The following ALDH18A1 variants were observed in gnomAD, a reference collection of about 807,000 sequenced individuals.
ALDH18A1 encodes the protein aldehyde dehydrogenase 18 family member A1, also known as delta-1-pyrroline-5-carboxylate synthase.
ALDH18A1 carries 44 observed loss-of-function variants against 88.8 expected under a neutral mutation model. That is an observed-to-expected ratio of 0.50 (90% confidence interval 0.39 to 0.64). The LOEUF (loss-of-function observed/expected upper bound fraction) is 0.64. ALDH18A1 is among the 30% of genes least tolerant of loss of function. The probability of loss-of-function intolerance (pLI) is 0.00; values close to 1 mark genes in which losing one functional copy is unlikely to be tolerated. For missense variants in ALDH18A1, 782 were observed against 1,009.5 expected, an observed-to-expected ratio of 0.77 and a Z score of 3.05; for synonymous variants, 331 against 372.1, an observed-to-expected ratio of 0.89 and a Z score of 1.27.
chr10:95,632,807 T>A (rs117197936), intron 7 of ALDH18A1, 152 bp downstream of exon 7: 7 of 707,504 alleles, frequency 9.9e-6, no homozygotes, highest in Non-Finnish European at 1.8e-5. Flanking sequence ...CCACCCTGTT[T>A]TGAGTCATAA....
chr10:95,626,056 T>C (rs1304974107), intron 10 of ALDH18A1, among the ~76,000 whole-genome samples: 2 of 152,152 alleles, frequency 1.3e-5, no homozygotes, highest in East Asian at 1.9e-4. Flanking sequence ...ATGCTGATTA[T>C]TGGAGGAGCA....
intron 13 of ALDH18A1, 100 bp downstream of exon 13, chr10:95,616,377 A>G (rs2097844194): frequency 1.4e-6 from 2 of 1,465,442 alleles, no homozygotes; most frequent in Non-Finnish European, 9.3e-7. Flanking sequence ...GTCTGCTTGT[A>G]GTAGTGTCTT....
At chr10:95,607,100 A>T (rs2097824173) in intron 17 of ALDH18A1, among the ~76,000 whole-genome samples, 157 bp from the exon 18 acceptor site, 1 of 152,144 alleles carries the variant, frequency 6.6e-6, no homozygotes, top group African/African-American at 2.4e-5. Flanking sequence ...CCCTGTTCCC[A>T]TAAACATGTT....
At chr10:95,617,841 T>C (rs2097846478) in intron 12 of ALDH18A1, among the ~76,000 whole-genome samples, 1 of 152,092 alleles carries the variant, frequency 6.6e-6, no homozygotes, top group Admixed American at 6.6e-5. Flanking sequence ...CAGAGAGACT[T>C]AGGCCCATTT....
At chr10:95,627,806 G>T (rs188700106) in intron 8 of ALDH18A1, among the ~76,000 whole-genome samples, 4 of 152,334 alleles carry the variant, frequency 2.6e-5, no homozygotes, top group Non-Finnish European at 4.4e-5. Flanking sequence ...CCTATCCTTT[G>T]TTTCCAGTCT....
intron 1 of ALDH18A1, among the ~76,000 whole-genome samples, chr10:95,654,807 T>C (rs1467253052): frequency 6.6e-6 from 1 of 151,816 alleles, no homozygotes; most frequent in Non-Finnish European, 1.5e-5. Context: ...CTTATATAAA[T>C]TCCTTCAATA....
At chr10:95,634,219 T>G (rs1156829884) in intron 5 of ALDH18A1, among the ~76,000 whole-genome samples, 1 of 152,182 alleles carries the variant, frequency 6.6e-6, no homozygotes, top group East Asian at 1.9e-4. Context: ...ATTAAGAAAA[T>G]TAATGTATCT....
At chr10:95,637,513 G>A (rs904102819) in intron 3 of ALDH18A1, 77 bp from the exon 4 acceptor site, 3 of 1,572,136 alleles carry the variant, frequency 1.9e-6, no homozygotes, top group Non-Finnish European at 2.6e-6. Flanking sequence ...ATGGAGGTAG[G>A]GTGGGCTATC....
At chr10:95,625,489 A>C (rs767028746) in intron 10 of ALDH18A1, 34 bp from the exon 11 acceptor site, 3 of 1,571,024 alleles carry the variant, frequency 1.9e-6, no homozygotes, top group Non-Finnish European at 2.6e-6. Flanking sequence ...AAAAACAGAG[A>C]TGTTAATCCA....
intron 2 of ALDH18A1, among the ~76,000 whole-genome samples, chr10:95,651,008 C>A (rs1390482085): frequency 6.6e-6 from 1 of 152,016 alleles, no homozygotes; most frequent in African/African-American, 2.4e-5. Context: ...GTGGTGGGCA[C>A]CTGTAATCCC....
intron 12 of ALDH18A1, among the ~76,000 whole-genome samples, chr10:95,618,378 T>G (rs2097847264): frequency 6.6e-6 from 1 of 152,214 alleles, no homozygotes; most frequent in Admixed American, 6.5e-5. Flanking sequence ...TGGAATGCAG[T>G]GGCACGATCT....
intron 17 of ALDH18A1, among the ~76,000 whole-genome samples, chr10:95,608,893 G>A (rs1056382994): frequency 3.3e-5 from 5 of 152,102 alleles, no homozygotes; most frequent in Non-Finnish European, 5.9e-5. Flanking sequence ...TTTGTTTTTT[G>A]AGATGGAGTT....
rs769158739 is a variant in ALDH18A1 at position 95,613,750 on chromosome 10, C to T, written c.1915G>A (p.Val639Met). ...TCCTATGGAACTCTTACCTGTTCCA[C>T]TCTCAGCATATCAATGATCTGGTCA... ...LFDQIIDMLRVEQVKIHAGPK... is the reference protein window; with the variant it reads ...LFDQIIDMLRMEQVKIHAGPK... Residue 639 changes from valine to methionine, a missense_variant, in exon 15 of 18, where the codon GTG becomes ATG. Physicochemically the swap from Val to Met is conservative, Grantham distance 21 (BLOSUM62 1). Coordinates refer to ENST00000371224, the MANE Select transcript of ALDH18A1 (RefSeq NM_002860.4). 8.1e-6 allele frequency: 13 copies of T among 1,614,156 alleles called. No homozygotes were observed. The East Asian group carries it at 2.7e-4, about 33-fold the overall frequency.
At chr10:95,650,936 C>A (rs1466911840) in intron 2 of ALDH18A1, among the ~76,000 whole-genome samples, 1 of 152,094 alleles carries the variant, frequency 6.6e-6, no homozygotes, top group Non-Finnish European at 1.5e-5. Context: ...GAGTTTGACA[C>A]CAGCCTGGCC....
chr10:95,646,145 T>C (rs1436421497), intron 2 of ALDH18A1, among the ~76,000 whole-genome samples: 3 of 152,114 alleles, frequency 2.0e-5, no homozygotes, highest in Non-Finnish European at 4.4e-5. Flanking sequence ...AGATCTAGGC[T>C]TTCTGGCTTT....
intron 2 of ALDH18A1, among the ~76,000 whole-genome samples, chr10:95,646,300 C>T (rs1346041241): frequency 1.3e-5 from 2 of 152,166 alleles, no homozygotes; most frequent in Non-Finnish European, 2.9e-5. Flanking sequence ...CAGAATCCAG[C>T]AGCCAGGCTA....
At chr10:95,609,981 G>T (rs577749059) in intron 17 of ALDH18A1, among the ~76,000 whole-genome samples, 1 of 151,878 alleles carries the variant, frequency 6.6e-6, no homozygotes, top group African/African-American at 2.4e-5. Context: ...TGTTGGCCAC[G>T]CTGGTCTCGA....
chr10:95,628,756 A>G, intron 7 of ALDH18A1: 1 of 453,182 alleles, frequency 2.2e-6, no homozygotes, highest in Non-Finnish European at 4.1e-6. Flanking sequence ...CCTCAGCACA[A>G]CATTTATTAG....
chr10:95,611,124 T>G, intron 16 of ALDH18A1, 132 bp downstream of exon 16: 1 of 1,066,064 alleles, frequency 9.4e-7, no homozygotes, highest in South Asian at 1.4e-5. Context: ...AAGTACCAAA[T>G]GCAACCACTA....
Sources: gnomAD v4.1 joint callset for allele counts (sites outside exome capture counted in the v4.1 genomes callset) on GRCh38, gnomAD v4.1.1 for gene constraint, MANE v1.5 for transcripts, NCBI Gene and HGNC (gene_info 2026-07-23, HGNC 2026-07-21) for gene names.